The following TPH1 variants were observed in gnomAD, a reference collection of about 807,000 sequenced individuals.
The protein encoded by TPH1 is tryptophan 5-hydroxylase 1.
TPH1 carries 37 observed loss-of-function variants against 49.5 expected under a neutral mutation model. The observed-to-expected ratio is 0.75, with a 90% CI of 0.58 to 0.98. The LOEUF (loss-of-function observed/expected upper bound fraction) is 0.98, where lower values mean the gene tolerates loss of function less well. Among genes scored for constraint, TPH1 ranks in the 50% least tolerant of loss-of-function variants. The pLI is 0.00. For missense variants in TPH1, 487 were observed against 523.6 expected (o/e 0.93, Z 0.68); for synonymous variants, 160 against 182.1 (o/e 0.88, Z 0.98).
intron 6 of TPH1, among the ~76,000 whole-genome samples, chr11:18,027,092 T>C (rs1296896372): frequency 1.3e-5 from 2 of 152,220 alleles, no homozygotes; most frequent in Non-Finnish European, 2.9e-5. Flanking sequence ...AGCTGTGCCA[T>C]TTTTAGCCAG....
chr11:18,037,745 C>T (rs169806), intron 2 of TPH1, among the ~76,000 whole-genome samples: 48,730 of 152,020 alleles, frequency 0.32, 9,400 homozygotes, highest in East Asian at 0.51. Flanking sequence ...AAGAAAAATA[C>T]GGTCTGGAAA....
intron 3 of TPH1, among the ~76,000 whole-genome samples, chr11:18,033,830 G>A (rs1848017171): frequency 6.6e-6 from 1 of 152,162 alleles, no homozygotes; most frequent in South Asian, 2.1e-4. Context: ...AGACACGCAA[G>A]CCCTCATAAG....
intron 6 of TPH1, among the ~76,000 whole-genome samples, chr11:18,027,567 T>C (rs931655195): frequency 2.0e-5 from 3 of 152,238 alleles, no homozygotes; most frequent in African/African-American, 7.2e-5. Context: ...AACTTTTGCT[T>C]GAACTTTCTG....
Position 18,029,256 on chromosome 11 carries a change from C to T in TPH1, c.576G>A (p.Glu192=). Residue 192 remains glutamate, a synonymous_variant, in exon 6 of 11, where the codon GAG becomes GAA. Transcript: ENST00000682019. ...AAAGCAAAGGTAAGTTTTTGAGATA[C>T]TCTCTGCAAGCATGGGTTGGGTAGA... is the stretch of plus-strand genomic sequence containing the variant. ...NKLYPTHACR[E]YLKNLPLLSK... 4 of 1,614,008 alleles carry T rather than the reference C, an allele frequency of 2.5e-6. No individual in the cohort carries two copies. Among genetic ancestry groups the T allele is most frequent in the Non-Finnish European group, 3.4e-6 (4 of 1,179,922 alleles).
chr11:18,034,602 A>G (rs1486948748), intron 3 of TPH1, among the ~76,000 whole-genome samples: 1 of 152,168 alleles, frequency 6.6e-6, no homozygotes, highest in East Asian at 1.9e-4. Flanking sequence ...AAGTGGAGAT[A>G]TATCAGTATT....
intron 2 of TPH1, among the ~76,000 whole-genome samples, chr11:18,038,940 T>C (rs1251122401): frequency 5.3e-5 from 8 of 152,142 alleles, no homozygotes; most frequent in Admixed American, 5.2e-4. Flanking sequence ...TCAGTATCAT[T>C]GTTCATAATA....
rs776231836 is a variant in TPH1, at chr11:18,025,641, T to C, written c.864A>G (p.Gln288=). 16 of 1,614,000 alleles carry C rather than the reference T, an allele frequency of 9.9e-6. No homozygotes were observed. Among genetic ancestry groups the C allele is most frequent in the Admixed American group, 1.7e-5 (1 of 60,012 alleles). Residue 288 remains glutamine (Q), a synonymous_variant, in exon 8 of 11, where the codon CAA becomes CAG. Coordinates refer to ENST00000682019, the MANE Select transcript of TPH1 (RefSeq NM_004179.3). Reference sequence around the variant, plus strand: ...AAGCCAAGCCAATTTCTTGGGAGAATTGGGCAAAACTAGGTTCAGCCAAAA... The same window carrying C: ...AAGCCAAGCCAATTTCTTGGGAGAACTGGGCAAAACTAGGTTCAGCCAAAA... ...VPLLAEPSFA[Q]FSQEIGLASL...
intron 1 of TPH1, among the ~76,000 whole-genome samples, chr11:18,045,118 C>T (rs1419477115): frequency 1.2e-4 from 19 of 152,154 alleles, no homozygotes; most frequent in Admixed American, 1.2e-3. Flanking sequence ...TTTACCGGAT[C>T]TAGGAAGCAC....
intron 5 of TPH1, 36 bp from the exon 6 acceptor site, chr11:18,029,397 G>A (rs756586326): frequency 3.1e-6 from 5 of 1,592,932 alleles, no homozygotes; most frequent in Non-Finnish European, 4.3e-6. Flanking sequence ...TTTTGAATTA[G>A]CATTTAATAA....
chr11:18,034,877 G>T (rs1848028646), intron 3 of TPH1, among the ~76,000 whole-genome samples: 1 of 152,174 alleles, frequency 6.6e-6, no homozygotes, highest in Non-Finnish European at 1.5e-5. Flanking sequence ...TGGAAGGAAT[G>T]CTGTACATCA....
Position 18,045,025 on chromosome 11 carries a change from G to A in TPH1, c.-27+1216C>T, listed in dbSNP as rs553573120. Among the ~76,000 whole-genome samples, 16 of 152,304 alleles carry A rather than the reference G, an allele frequency of 1.1e-4. No homozygotes were observed. In the South Asian group the frequency reaches 2.5e-3, roughly 24 times the overall value. ...AGACACTCAGAAGATCAACAGACCC[G>A]ACCCTTGGGAGAGGTCAAGGCGTAT... On this transcript the variant is annotated intron_variant, in intron 1 of 10. Coordinates refer to ENST00000682019, the MANE Select transcript of TPH1 (RefSeq NM_004179.3).
Position 18,040,773 on chromosome 11 carries a change from G to C in TPH1, c.-11C>G, listed in dbSNP as rs762044378. The C allele has an allele frequency of 3.1e-6, 5 of 1,610,692 alleles. No individual in the cohort carries two copies. The South Asian group carries it at 5.5e-5, about 18-fold the overall frequency. On this transcript the variant is annotated 5_prime_UTR_variant, in exon 2 of 11. Transcript: ENST00000682019. Reference sequence around the variant, plus strand: ...ATTGTCTTCAATCATGATGAATTTGGAGTAATTCTCTAAAACTAAAGTATG... The same window carrying C: ...ATTGTCTTCAATCATGATGAATTTGCAGTAATTCTCTAAAACTAAAGTATG...
chr11:18,023,414 G>A (rs1204336724), intron 9 of TPH1, among the ~76,000 whole-genome samples: 1 of 152,076 alleles, frequency 6.6e-6, no homozygotes, highest in Admixed American at 6.5e-5. Context: ...GTTATTGCTA[G>A]CATATCAGAA....
chr11:18,017,805 C>G lies in TPH1; in HGVS notation c.*3186G>C, dbSNP rs573224178. On this transcript the variant is annotated 3_prime_UTR_variant, in exon 11 of 11. Coordinates refer to ENST00000682019, the MANE Select transcript of TPH1 (RefSeq NM_004179.3). The stretch of plus-strand genomic sequence containing the variant: ...TTTACATTTTGGTGTGTCATTACTA[C>G]TTGTATAACTCCAAATGACAGAATA... 3 of 152,226 alleles carry G rather than the reference C, an allele frequency of 2.0e-5. No homozygotes were observed. In the South Asian group the frequency reaches 6.2e-4, roughly 32 times the overall value. 9.4% of individuals were successfully genotyped at this position (152,226 alleles called of 1,614,324 possible). A position where few individuals can be genotyped will look rare whatever the true frequency, so the allele number is the denominator to read the frequency against.
chr11:18,019,850 A>G lies in TPH1; in HGVS notation c.*1141T>C, dbSNP rs1011356864. The G allele has an allele frequency of 7.3e-6, 3 of 411,974 alleles. No individual in the cohort carries two copies. In the Admixed American group the frequency reaches 8.3e-5, roughly 11 times the overall value. 25.5% of individuals were successfully genotyped at this position (411,974 alleles called of 1,614,324 possible). A position where few individuals can be genotyped will look rare whatever the true frequency, so the allele number is the denominator to read the frequency against. On this transcript the variant is annotated 3_prime_UTR_variant, in exon 11 of 11. Coordinates refer to ENST00000682019, the MANE Select transcript of TPH1 (RefSeq NM_004179.3). ...CCCTGTGCTACACAGCTGACTCTGCATAAAAACCATTCCTTGGCAATCCTT... is the reference window on the plus strand; with the variant it reads ...CCCTGTGCTACACAGCTGACTCTGCGTAAAAACCATTCCTTGGCAATCCTT...
At position 18,033,286 on chromosome 11, in the gene TPH1, A is replaced by T. The variant is rs370677005; in HGVS notation, c.390T>A (p.Asp130Glu). 5.6e-5 allele frequency: 91 copies of T among 1,613,388 alleles called. No individual in the cohort carries two copies. The highest frequency in any genetic ancestry group is 7.5e-5 in the Non-Finnish European group (89 of 1,179,432). ...NRVLMYGSEL[D>E]ADHPGFKDNV... The stretch of plus-strand genomic sequence containing the variant: ...AGAAAATACTTACAGGATGGTCTGC[A>T]TCTAGTTCAGATCCATACATCAGAA... Residue 130 changes from aspartate to glutamate, a missense_variant, in exon 4 of 11, where the codon GAT becomes GAA. Transcript: ENST00000682019.
In TPH1 at chr11:18,036,859, C is replaced by T. The variant is rs1208963182; in HGVS notation, c.118-717G>A. 3.9e-5 allele frequency among the ~76,000 whole-genome samples: 6 copies of T among 152,192 alleles called. No individual in the cohort carries two copies. In the East Asian group the frequency reaches 1.2e-3, roughly 29 times the overall value. ...GTGCATCCTAAAATAACTTAATGAA[C>T]ACCTGTGTAACTAGGTAAGGGCTGC... On this transcript the variant is annotated intron_variant, in intron 2 of 10. Coordinates refer to ENST00000682019, the MANE Select transcript of TPH1 (RefSeq NM_004179.3).
intron 7 of TPH1, 32 bp from the exon 8 acceptor site, chr11:18,025,733 A>G: frequency 6.2e-7 from 1 of 1,613,248 alleles, no homozygotes; most frequent in Non-Finnish European, 8.5e-7. Flanking sequence ...GTCACGCTGC[A>G]GTGCTTAACA....
chr11:18,023,142 T>C, intron 9 of TPH1: 1 of 534,904 alleles, frequency 1.9e-6, no homozygotes, highest in East Asian at 3.3e-5. Flanking sequence ...CAAGATCCTC[T>C]CCATGGCTTT....
Sources: gnomAD v4.1 joint callset for allele counts (sites outside exome capture counted in the v4.1 genomes callset) on GRCh38, gnomAD v4.1.1 for gene constraint, MANE v1.5 for transcripts, NCBI Gene and HGNC (gene_info 2026-07-23, HGNC 2026-07-21) for gene names.